SLF2: variants seen among roughly 807,000 people sequenced by gnomAD.
The protein encoded by SLF2 is SMC5-SMC6 complex localization factor protein 2.
A neutral mutation model predicts 124.3 loss-of-function variants in SLF2; 68 were observed. The observed-to-expected ratio is 0.55, with a 90% CI of 0.45 to 0.67. The LOEUF (loss-of-function observed/expected upper bound fraction) is 0.67. SLF2 is among the 30% of genes least tolerant of loss of function. SLF2 has a pLI of 0.00. For missense variants in SLF2, 1,246 were observed against 1,373.7 expected, an observed-to-expected ratio of 0.91 and a Z score of 1.47; for synonymous variants, 480 against 478.8, an observed-to-expected ratio of 1.00 and a Z score of -0.03.
intron 8 of SLF2, 142 bp from the exon 9 acceptor site, chr10:100,930,834 A>G: frequency 4.8e-6 from 3 of 622,542 alleles, no homozygotes; most frequent in South Asian, 2.0e-5. Flanking sequence ...TAACTCATCC[A>G]TATTGGTATA....
intron 15 of SLF2, among the ~76,000 whole-genome samples, chr10:100,948,507 G>A (rs919913095): frequency 1.3e-5 from 2 of 152,068 alleles, no homozygotes; most frequent in African/African-American, 4.8e-5. Context: ...AATGTCCAAT[G>A]GAAGTCCCAC....
chr10:100,922,189 C>T (rs1849533974), intron 4 of SLF2, among the ~76,000 whole-genome samples: 1 of 152,192 alleles, frequency 6.6e-6, no homozygotes, highest in African/African-American at 2.4e-5. Context: ...AGCAGTCCTC[C>T]CACCTGAGCC....
chr10:100,953,648 T>TA (rs1017680827), intron 17 of SLF2, among the ~76,000 whole-genome samples: 4 of 151,436 alleles, frequency 2.6e-5, no homozygotes, highest in South Asian at 2.1e-4. Flanking sequence ...TTTTCCTCTT[T>TA]AAAAAAAAAT....
chr10:100,959,131 G>A (rs962496219), intron 18 of SLF2, among the ~76,000 whole-genome samples: 5 of 152,190 alleles, frequency 3.3e-5, no homozygotes, highest in African/African-American at 1.2e-4. Context: ...GCGAGTTAAA[G>A]TTAAGTTCCT....
At chr10:100,918,326 C>A in intron 3 of SLF2, 58 bp from the exon 4 acceptor site, 1 of 1,065,484 alleles carries the variant, frequency 9.4e-7, no homozygotes, top group Non-Finnish European at 1.4e-6. Flanking sequence ...AGGAAGAATG[C>A]CTTCACATTC....
rs35532139 is a variant in SLF2, at chr10:100,924,899, A to G, written c.1898A>G (p.Asn633Ser). 3.7e-3 allele frequency: 5,892 copies of G among 1,614,190 alleles called. 46 individuals are homozygous for G. Among genetic ancestry groups the G allele is most frequent in the Middle Eastern group, 4.1e-3 (25 of 6,062 alleles). ...GAAGAAATAATGGCTTTGAACTTCA[A>G]TCAGACTCCTGCAGCTACAGGAAAG... The part of the protein sequence containing the change: ...SLEEIMALNF[N>S]QTPAATGKPP... The change falls in exon 5 of 20, where the codon AAT (asparagine) becomes AGT (serine). Residue 633 changes from asparagine to serine, a missense_variant. Coordinates refer to ENST00000238961, the MANE Select transcript of SLF2 (RefSeq NM_018121.4).
chr10:100,928,045 CCACACACA>C (rs1214543662), intron 6 of SLF2, among the ~76,000 whole-genome samples: 69 of 13,192 alleles, frequency 5.2e-3, no homozygotes, highest in Non-Finnish European at 7.9e-3. Flanking sequence ...CCCCCCCCCC[CCACACACA>C]CACACACACA....
rs1224206643 is a variant in SLF2, at chr10:100,930,992, C to T, written c.2350C>T (p.Gln784Ter). ...KLILKSGKTD[Q>*]IFLTTQGFLT... The stretch of plus-strand genomic sequence containing the variant: ...TTTTTTCAGATCGGGAAAAACAGAT[C>T]AGATTTTTTTGACAACACAAGGTTT... Residue 784 changes from glutamine to a stop codon, truncating the protein, a stop_gained, in exon 9 of 20, where the codon CAG becomes TAG. Transcript: ENST00000238961. LOFTEE classifies it high-confidence loss of function. 2 of 1,613,832 alleles carry T rather than the reference C, an allele frequency of 1.2e-6. No homozygotes were observed. Among genetic ancestry groups the T allele is most frequent in the Admixed American group, 1.7e-5 (1 of 59,992 alleles).
At chr10:100,937,665 G>A (rs755435389) in intron 10 of SLF2, among the ~76,000 whole-genome samples, 188 bp downstream of exon 10, 8 of 151,842 alleles carry the variant, frequency 5.3e-5, no homozygotes, top group Non-Finnish European at 1.2e-4. Context: ...CTGAAGTGCA[G>A]TGACACAATC....
rs1445047025 is a variant in SLF2, at chr10:100,959,293, C to T, written c.3418-135C>T. The T allele has an allele frequency of 1.0e-5, 7 of 687,702 alleles. No homozygotes were observed. In the Admixed American group the frequency reaches 1.2e-4, roughly 11 times the overall value. 42.6% of individuals were successfully genotyped at this position (687,702 alleles called of 1,614,324 possible). A position where few individuals can be genotyped will look rare whatever the true frequency, so the allele number is the denominator to read the frequency against. On this transcript the variant is annotated intron_variant, in intron 18 of 19. Coordinates refer to ENST00000238961, the MANE Select transcript of SLF2 (RefSeq NM_018121.4). ...TCAAAAGATGAGTAGTTTATTTTCTCTTTGTTGACAGAAATCAAATTGAGT... is the reference window on the plus strand; with the variant it reads ...TCAAAAGATGAGTAGTTTATTTTCTTTTTGTTGACAGAAATCAAATTGAGT...
intron 15 of SLF2, among the ~76,000 whole-genome samples, chr10:100,949,360 T>C (rs1026827335): frequency 1.3e-5 from 2 of 152,224 alleles, no homozygotes; most frequent in Non-Finnish European, 2.9e-5. Flanking sequence ...AATAATTACA[T>C]GAATAATTAA....
intron 15 of SLF2, among the ~76,000 whole-genome samples, chr10:100,948,891 AAAGCC>A (rs1216691862): frequency 6.6e-6 from 1 of 152,168 alleles, no homozygotes; most frequent in Non-Finnish European, 1.5e-5. Flanking sequence ...GTCTCAAAAA[AAAGCC>A]CCATAGAACC....
Position 100,924,460 on chromosome 10 carries a change from G to A in SLF2, c.1459G>A (p.Val487Ile), listed in dbSNP as rs1441808566. 1.2e-6 allele frequency: 2 copies of A among 1,613,980 alleles called. No individual in the cohort carries two copies. Among genetic ancestry groups the A allele is most frequent in the African/African-American group, 2.7e-5 (2 of 74,888 alleles). ...SRVPSAGSSL[V>I]PLNAKNCALP... Reference sequence around the variant, plus strand: ...TGTTCCAAGTGCTGGTTCCTCTCTAGTACCATTAAATGCTAAAAATTGTGC... The same window carrying A: ...TGTTCCAAGTGCTGGTTCCTCTCTAATACCATTAAATGCTAAAAATTGTGC... The change falls in exon 5 of 20, where the codon GTA becomes ATA. Residue 487 changes from valine (V) to isoleucine (I), a missense_variant. Physicochemically the swap from Val to Ile is conservative, Grantham distance 29 (BLOSUM62 3). Coordinates refer to ENST00000238961, the MANE Select transcript of SLF2 (RefSeq NM_018121.4).
Position 100,962,097 on chromosome 10 carries a change from T to C in SLF2, c.*185T>C, listed in dbSNP as rs1850435852. ...CCATTTCTGAAGCAGATATGAAATA[T>C]GATCTGCTTAATTGTTAAGGCAACT... On this transcript the variant is annotated 3_prime_UTR_variant, in exon 20 of 20. Transcript: ENST00000238961. 2 of 518,718 alleles carry C rather than the reference T, an allele frequency of 3.9e-6. No individual in the cohort carries two copies. The highest frequency in any genetic ancestry group is 3.4e-6 in the Non-Finnish European group (1 of 297,238). The allele number at this position is 518,718 out of a possible 1,614,324, so 32.1% of individuals were successfully genotyped here. A position where few individuals can be genotyped will look rare whatever the true frequency, so the allele number is the denominator to read the frequency against.
At chr10:100,955,242 C>A (rs1297218565) in intron 17 of SLF2, among the ~76,000 whole-genome samples, 1 of 151,128 alleles carries the variant, frequency 6.6e-6, no homozygotes, top group African/African-American at 2.4e-5. Flanking sequence ...GCCCGGCTGA[C>A]CCTATCTCTT....
At chr10:100,921,773 C>A (rs1849527597) in intron 4 of SLF2, among the ~76,000 whole-genome samples, 1 of 152,192 alleles carries the variant, frequency 6.6e-6, no homozygotes, top group African/African-American at 2.4e-5. Flanking sequence ...CTCAAACTGG[C>A]AGCTCTGTAG....
At chr10:100,949,665 G>T (rs1286414885) in intron 15 of SLF2, among the ~76,000 whole-genome samples, 1 of 151,178 alleles carries the variant, frequency 6.6e-6, no homozygotes, top group Non-Finnish European at 1.5e-5. Flanking sequence ...GCACAATCTC[G>T]GCTCACTGCA....
chr10:100,930,198 T>C (rs1289594090), intron 8 of SLF2, among the ~76,000 whole-genome samples: 1 of 152,192 alleles, frequency 6.6e-6, no homozygotes, highest in Non-Finnish European at 1.5e-5. Flanking sequence ...ATCTCATGCC[T>C]TTATTAATTA....
intron 17 of SLF2, among the ~76,000 whole-genome samples, chr10:100,952,839 T>C (rs931022307): frequency 1.3e-5 from 2 of 151,270 alleles, no homozygotes; most frequent in African/African-American, 4.9e-5. Flanking sequence ...CTGGGGAGCC[T>C]GAGGCAGGAG....
Sources: allele counts gnomAD v4.1 joint callset (sites outside exome capture counted in the v4.1 genomes callset), GRCh38; gene constraint gnomAD v4.1.1; transcripts MANE v1.5; gene names NCBI Gene and HGNC (gene_info 2026-07-23, HGNC 2026-07-21).